Variants in HNMT observed in about 807,000 individuals in gnomAD.
HNMT encodes histamine N-methyltransferase.
In HNMT, 30 loss-of-function variants were observed where a neutral mutation model predicts 32.1. The observed-to-expected ratio is 0.93, with a 90% CI of 0.70 to 1.27. The LOEUF is 1.27. Ranked by LOEUF, HNMT falls within the 50% of genes most tolerant of loss-of-function variation. The pLI, the probability that HNMT is intolerant of heterozygous loss-of-function variation, is 0.00. For synonymous variants in HNMT, 125 were observed against 119.0 expected (o/e 1.05, Z -0.33); for missense variants, 327 against 346.0 (o/e 0.95, Z 0.43).
intron 2 of HNMT, among the ~76,000 whole-genome samples, chr2:137,980,991 G>A (rs529292926): frequency 6.6e-6 from 1 of 152,124 alleles, no homozygotes; most frequent in East Asian, 1.9e-4. Context: ...CTCCAAGCAC[G>A]GAGTTATATG....
At chr2:137,997,906 AAACT>A (rs1048633269) in intron 2 of HNMT, among the ~76,000 whole-genome samples, 2 of 152,182 alleles carry the variant, frequency 1.3e-5, no homozygotes, top group African/African-American at 4.8e-5. Context: ...CATCCTCAGC[AAACT>A]AACAGGAACA....
chr2:138,010,119 T>C (rs1207284209), intron 5 of HNMT, among the ~76,000 whole-genome samples: 1 of 152,024 alleles, frequency 6.6e-6, no homozygotes, highest in East Asian at 1.9e-4. Context: ...TTGTCATCCA[T>C]AGCTGCTCTC....
intron 2 of HNMT, among the ~76,000 whole-genome samples, chr2:137,984,191 T>A (rs180763002): frequency 1.5e-3 from 233 of 152,304 alleles, no homozygotes; most frequent in Middle Eastern, 6.8e-3. Flanking sequence ...TATCCACCCA[T>A]GTGAGAATTT....
At position 138,002,121 on chromosome 2, in the gene HNMT, C is replaced by T; in HGVS notation, c.356C>T (p.Thr119Ile). The T allele has an allele frequency of 2.5e-6, 4 of 1,603,158 alleles. No homozygotes were observed. The highest frequency in any genetic ancestry group is 3.4e-6 in the Non-Finnish European group (4 of 1,173,784). The stretch of plus-strand genomic sequence containing the variant: ...GTAAAGTTTGCTTGGCATAAGGAGA[C>T]ATCATCTGAATACCAAAGTAGAATG... ...ENVKFAWHKE[T>I]SSEYQSRMLE... Residue 119 changes from threonine to isoleucine, a missense_variant, in exon 4 of 6, where the codon ACA becomes ATA. Physicochemically the swap from Thr to Ile is moderately conservative, Grantham distance 89. Transcript: ENST00000280097.
At chr2:137,970,673 C>A (rs151195272) in intron 2 of HNMT, among the ~76,000 whole-genome samples, 1 of 152,176 alleles carries the variant, frequency 6.6e-6, no homozygotes, top group African/African-American at 2.4e-5. Flanking sequence ...GTAATCCCAG[C>A]ACTTTGGGAG....
At chr2:137,969,019 T>A (rs1680042640) in intron 1 of HNMT, among the ~76,000 whole-genome samples, 3 of 152,206 alleles carry the variant, frequency 2.0e-5, no homozygotes, top group Admixed American at 6.5e-5. Context: ...CCCATTGCCA[T>A]CTGACTTCAG....
Position 138,014,235 on chromosome 2 carries a change from C to G in HNMT, c.*105C>G. The G allele has an allele frequency of 4.0e-6, 3 of 754,302 alleles. No homozygotes were observed. The highest frequency in any genetic ancestry group is 6.3e-6 in the Non-Finnish European group (3 of 473,366). 46.7% of individuals were successfully genotyped at this position (754,302 alleles called of 1,614,324 possible). A position where few individuals can be genotyped will look rare whatever the true frequency, so the allele number is the denominator to read the frequency against. ...AACTCATCCATTAATGTAGATAAAGCACTGTTTGGATATGAGATGTAGCAA... is the reference window on the plus strand; with the variant it reads ...AACTCATCCATTAATGTAGATAAAGGACTGTTTGGATATGAGATGTAGCAA... On this transcript the variant is annotated 3_prime_UTR_variant, in exon 6 of 6. Coordinates refer to ENST00000280097, the MANE Select transcript of HNMT (RefSeq NM_006895.3).
At chr2:137,977,063 C>A (rs563615263) in intron 2 of HNMT, among the ~76,000 whole-genome samples, 34 of 152,220 alleles carry the variant, frequency 2.2e-4, no homozygotes, top group African/African-American at 7.9e-4. Context: ...TGTATACTTA[C>A]AAAAGCAAAT....
intron 5 of HNMT, among the ~76,000 whole-genome samples, chr2:138,012,681 G>T (rs997050906): frequency 2.6e-5 from 4 of 152,086 alleles, no homozygotes; most frequent in African/African-American, 9.7e-5. Context: ...GAGGCCTGAT[G>T]ATACAAAACT....
intron 2 of HNMT, among the ~76,000 whole-genome samples, chr2:137,977,940 G>T (rs547748082): frequency 4.1e-4 from 62 of 152,006 alleles, no homozygotes; most frequent in African/African-American, 1.4e-3. Context: ...CCCATCTCCA[G>T]GGCTCCAGCA....
At chr2:138,002,613 A>C (rs1487293363) in intron 4 of HNMT, 1 of 208,032 alleles carries the variant, frequency 4.8e-6, no homozygotes, top group Non-Finnish European at 8.4e-6. Context: ...ACACCCAACT[A>C]ATTTTTTATT....
rs1475017852 is a variant in HNMT at position 138,015,694 on chromosome 2, A to G, written c.*1564A>G. Reference sequence around the variant, plus strand: ...CTGATATGTACTACTGACAAAGGAAATCTGTGAGGCACACATGATTGATGG... The same window carrying G: ...CTGATATGTACTACTGACAAAGGAAGTCTGTGAGGCACACATGATTGATGG... On this transcript the variant is annotated 3_prime_UTR_variant, in exon 6 of 6. Transcript: ENST00000280097. 1 of 152,188 alleles carries G rather than the reference A, an allele frequency of 6.6e-6. No individual in the cohort carries two copies. Among genetic ancestry groups the G allele is most frequent in the Non-Finnish European group, 1.5e-5 (1 of 68,028 alleles). 9.4% of individuals were successfully genotyped at this position (152,188 alleles called of 1,614,324 possible).
chr2:138,000,019 T>A (rs942069425), intron 2 of HNMT, among the ~76,000 whole-genome samples: 11 of 152,134 alleles, frequency 7.2e-5, no homozygotes, highest in African/African-American at 2.7e-4. Context: ...CCATCTGACT[T>A]ATTGTCATCT....
At chr2:138,011,822 T>C (rs1263689322) in intron 5 of HNMT, among the ~76,000 whole-genome samples, 3 of 152,172 alleles carry the variant, frequency 2.0e-5, no homozygotes, top group African/African-American at 7.2e-5. Flanking sequence ...GTCTTTACTT[T>C]ATTAACTCAG....
In HNMT at chr2:137,970,205, G is replaced by A; in HGVS notation, c.178G>A (p.Gly60Ser). 2 of 1,567,914 alleles carry A rather than the reference G, an allele frequency of 1.3e-6. No homozygotes were observed. Among genetic ancestry groups the A allele is most frequent in the South Asian group, 2.3e-5 (2 of 86,874 alleles). ...ATCAGAAATTAAGATTCTAAGCATA[G>A]GCGGAGGTGCAGGTATGAGTAATAT... ...TKSEIKILSI[G>S]GGAGEIDLQI... The change falls in exon 2 of 6, where the codon GGC (glycine) becomes AGC (serine). Residue 60 changes from glycine (G) to serine (S), a missense_variant. Physicochemically the swap from Gly to Ser is moderately conservative, Grantham distance 56. Coordinates refer to ENST00000280097, the MANE Select transcript of HNMT (RefSeq NM_006895.3).
chr2:137,979,850 T>C (rs1047941183), intron 2 of HNMT, among the ~76,000 whole-genome samples: 1 of 152,132 alleles, frequency 6.6e-6, no homozygotes, highest in Non-Finnish European at 1.5e-5. Context: ...TTCTGCATTA[T>C]TAATTTTTAG....
intron 4 of HNMT, chr2:138,002,800 C>T: frequency 1.0e-6 from 1 of 969,220 alleles, no homozygotes; most frequent in Non-Finnish European, 1.2e-6. Flanking sequence ...AGAATGATAG[C>T]ATCATAACAT....
chr2:137,964,725 G>C, intron 1 of HNMT, 97 bp downstream of exon 1: 1 of 1,232,764 alleles, frequency 8.1e-7, no homozygotes, highest in South Asian at 1.3e-5. Context: ...CTGGGCACAG[G>C]GATAAGGGCG....
chr2:137,970,933 A>AAAAAGAAAGAAAG (rs1424481237), intron 2 of HNMT, among the ~76,000 whole-genome samples: 16 of 86,690 alleles, frequency 1.8e-4, no homozygotes, highest in African/African-American at 7.1e-4. Flanking sequence ...AAAAAAAAAA[A>AAAAAGAAAGAAAG]AAAGAAAGAA....
Sources: gnomAD v4.1 joint callset for allele counts (sites outside exome capture counted in the v4.1 genomes callset) on GRCh38, gnomAD v4.1.1 for gene constraint, MANE v1.5 for transcripts, NCBI Gene and HGNC (gene_info 2026-07-23, HGNC 2026-07-21) for gene names.